MICALL2: variants seen among roughly 807,000 people sequenced by gnomAD.
The protein encoded by MICALL2 is MICAL-like protein 2.
A neutral mutation model predicts 91.1 loss-of-function variants in MICALL2; 111 were observed. That is an observed-to-expected ratio of 1.22 (90% CI 1.04 to 1.43). MICALL2 has a LOEUF of 1.43. MICALL2 is among the 40% of genes most tolerant of loss of function. The probability of loss-of-function intolerance (pLI) is 0.00; values close to 1 mark genes in which losing one functional copy is unlikely to be tolerated. For synonymous variants in MICALL2, 694 were observed against 525.3 expected, an observed-to-expected ratio of 1.32 and a Z score of -4.39; for missense variants, 1,556 against 1,236.0, an observed-to-expected ratio of 1.26 and a Z score of -3.88.
intron 9 of MICALL2, 97 bp from the exon 10 acceptor site, chr7:1,439,092 G>A (rs561388832): frequency 5.4e-5 from 54 of 1,001,510 alleles, no homozygotes; most frequent in South Asian, 1.9e-4. Flanking sequence ...TGGGTAGCCC[G>A]GCCATCCCCA....
At position 1,434,802 on chromosome 7, in the gene MICALL2, C is replaced by A. The variant is rs1341977864; in HGVS notation, c.2639-130G>T. ...AATCCGCCCTGGGCCTCCGAGCCTG[C>A]AGGAAGCCCTGTGCCCTCCCACGTG... On this transcript the variant is annotated intron_variant, in intron 16 of 16. Transcript: ENST00000297508. 4 of 1,010,216 alleles carry A rather than the reference C, an allele frequency of 4.0e-6. No homozygotes were observed. In the Admixed American group the frequency reaches 1.1e-4, roughly 28 times the overall value. 62.6% of individuals were successfully genotyped at this position (1,010,216 alleles called of 1,614,324 possible).
intron 1 of MICALL2, among the ~76,000 whole-genome samples, chr7:1,457,879 T>G (rs1781076128): frequency 6.6e-6 from 1 of 152,254 alleles, no homozygotes; most frequent in African/African-American, 2.4e-5. Flanking sequence ...GGGTCTCGCC[T>G]GCCTTCCTCC....
intron 3 of MICALL2, 34 bp downstream of exon 3, chr7:1,448,586 C>G (rs1360938126): frequency 1.9e-6 from 3 of 1,611,140 alleles, no homozygotes; most frequent in East Asian, 4.5e-5. Context: ...GGGGCCTGGT[C>G]CTGCCTGGCT....
Position 1,435,109 on chromosome 7 carries a change from T to C in MICALL2, c.2630A>G (p.Glu877Gly), listed in dbSNP as rs1779901560. The C allele has an allele frequency of 1.2e-6, 2 of 1,612,850 alleles. No homozygotes were observed. The highest frequency in any genetic ancestry group is 1.7e-6 in the Non-Finnish European group (2 of 1,179,860). The change falls in exon 16 of 17, where the codon GAG becomes GGG. Residue 877 changes from glutamate to glycine, a missense_variant. Glu to Gly is a moderately conservative substitution (Grantham distance 98). Coordinates refer to ENST00000297508, the MANE Select transcript of MICALL2 (RefSeq NM_182924.4). ...ATCCCCGGCCCAGTCACCCAGCTTC[T>C]CAATCATGTCCCGCAGCATCTGATC... ...EEDQMLRDMI[E>G]KLGLQRKKSK...
chr7:1,434,689 C>T lies in MICALL2; in HGVS notation c.2639-17G>A. On this transcript the variant is annotated splice_polypyrimidine_tract_variant and intron_variant, in intron 16 of 16. Coordinates refer to ENST00000297508, the MANE Select transcript of MICALL2 (RefSeq NM_182924.4). Reference sequence around the variant, plus strand: ...TCTGGAGGCCTAGGGGACAGGTGGACAGTGAGGCCGTGCTCAACGCCGCAG... The same window carrying T: ...TCTGGAGGCCTAGGGGACAGGTGGATAGTGAGGCCGTGCTCAACGCCGCAG... The T allele has an allele frequency of 1.9e-6, 3 of 1,539,448 alleles. No homozygotes were observed. The highest frequency in any genetic ancestry group is 1.3e-5 in the South Asian group (1 of 79,274).
intron 1 of MICALL2, 68 bp downstream of exon 1, chr7:1,459,116 A>T: frequency 6.8e-7 from 1 of 1,481,286 alleles, no homozygotes; most frequent in Non-Finnish European, 9.2e-7. Flanking sequence ...CCCGGGCCTC[A>T]GTTTCCCCGC....
chr7:1,459,361 C>G lies in MICALL2; in HGVS notation c.-35G>C, dbSNP rs1781131646. ...GCGCCCGCCGCGCGGCGGAACCGCCCTCCGACACCTTCCCGCGGCTGTGCC... is the reference window on the plus strand; with the variant it reads ...GCGCCCGCCGCGCGGCGGAACCGCCGTCCGACACCTTCCCGCGGCTGTGCC... On this transcript the variant is annotated 5_prime_UTR_variant, in exon 1 of 17. Transcript: ENST00000297508. 3 of 1,455,884 alleles carry G rather than the reference C, an allele frequency of 2.1e-6. No homozygotes were observed. Among genetic ancestry groups the G allele is most frequent in the African/African-American group, 3.0e-5 (2 of 67,006 alleles). The allele number at this position is 1,455,884 out of a possible 1,614,324, so 90.2% of individuals were successfully genotyped here.
intron 15 of MICALL2, among the ~76,000 whole-genome samples, chr7:1,436,169 CA>C (rs1157629324): frequency 6.6e-6 from 1 of 152,074 alleles, no homozygotes; most frequent in East Asian, 1.9e-4. Context: ...GAGGGCAGAT[CA>C]CCTGAGGTCA....
intron 1 of MICALL2, among the ~76,000 whole-genome samples, chr7:1,458,204 C>T (rs932166811): frequency 6.6e-5 from 10 of 152,352 alleles, no homozygotes; most frequent in Admixed American, 1.3e-4. Context: ...ATCTGCGCAA[C>T]GGGCTGGGGC....
intron 1 of MICALL2, among the ~76,000 whole-genome samples, chr7:1,453,629 T>A (rs529748653): frequency 6.6e-6 from 1 of 152,094 alleles, no homozygotes; most frequent in East Asian, 1.9e-4. Flanking sequence ...CTACCCATGG[T>A]GAGACGGCTG....
At chr7:1,445,510 A>G (rs372110678) in intron 5 of MICALL2, 82 bp from the exon 6 acceptor site, 13 of 1,318,276 alleles carry the variant, frequency 9.9e-6, no homozygotes, top group African/African-American at 8.9e-5. Context: ...GATAGCAGGC[A>G]TTGCGGACTC....
intron 9 of MICALL2, chr7:1,439,551 T>C (rs563178436): frequency 6.9e-5 from 15 of 217,730 alleles, no homozygotes; most frequent in African/African-American, 3.1e-4. Context: ...GCATCACACA[T>C]GTACACATGC....
At position 1,438,270 on chromosome 7, in the gene MICALL2, G is replaced by C; in HGVS notation, c.2187+19C>G. ...TGCCGGAGGGCTGGGCCCCTGCCCGGCTCCCCACCACTACTCACCCTGACT... is the reference window on the plus strand; with the variant it reads ...TGCCGGAGGGCTGGGCCCCTGCCCGCCTCCCCACCACTACTCACCCTGACT... On this transcript the variant is annotated intron_variant, in intron 11 of 16. Transcript: ENST00000297508. 1 of 1,589,374 alleles carries C rather than the reference G, an allele frequency of 6.3e-7. No individual in the cohort carries two copies. The highest frequency in any genetic ancestry group is 8.6e-7 in the Non-Finnish European group (1 of 1,168,222).
intron 2 of MICALL2, among the ~76,000 whole-genome samples, chr7:1,449,070 C>T (rs192205358): frequency 1.8e-4 from 27 of 152,366 alleles, no homozygotes; most frequent in Middle Eastern, 6.8e-3. Flanking sequence ...CCCAGACTTA[C>T]GCAGTCTTGA....
At chr7:1,437,340 G>A (rs1562445797) in intron 14 of MICALL2, 195 bp downstream of exon 14, 1 of 575,696 alleles carries the variant, frequency 1.7e-6, no homozygotes. Context: ...CCCAAGCACA[G>A]CAAGGTTAAG....
Position 1,442,186 on chromosome 7 carries a change from A to C in MICALL2, c.1711+6T>G, listed in dbSNP as rs747074840. ...GGGGCCTCCTGCCTCCCAGCCCCTT[A>C]CTCACCCTGCGTTAAGGTGGTGCTT... On this transcript the variant is annotated splice_donor_region_variant and intron_variant, in intron 7 of 16. Transcript: ENST00000297508. The C allele has an allele frequency of 6.2e-7, 1 of 1,611,592 alleles. No homozygotes were observed. Among genetic ancestry groups the C allele is most frequent in the Non-Finnish European group, 8.5e-7 (1 of 1,179,654 alleles).
intron 14 of MICALL2, 61 bp from the exon 15 acceptor site, chr7:1,436,917 C>T (rs1554265630): frequency 5.6e-6 from 7 of 1,255,492 alleles, no homozygotes; most frequent in South Asian, 1.5e-5. Flanking sequence ...TCACAGGACA[C>T]AATGTCCCCA....
chr7:1,456,632 A>C (rs1232393850), intron 1 of MICALL2, among the ~76,000 whole-genome samples: 1 of 152,016 alleles, frequency 6.6e-6, no homozygotes, highest in Non-Finnish European at 1.5e-5. Flanking sequence ...ATTAAAAATA[A>C]GAAAATTAGC....
At chr7:1,437,109 G>A (rs1443511804) in intron 14 of MICALL2, 1 of 484,500 alleles carries the variant, frequency 2.1e-6, no homozygotes, top group Non-Finnish European at 3.6e-6. Context: ...GGACACTGAG[G>A]CTCAGGGCGT....
Sources: allele counts gnomAD v4.1 joint callset (sites outside exome capture counted in the v4.1 genomes callset), GRCh38; gene constraint gnomAD v4.1.1; transcripts MANE v1.5; gene names NCBI Gene and HGNC (gene_info 2026-07-23, HGNC 2026-07-21).